The following CSMD1 variants were observed in gnomAD, a reference collection of about 807,000 sequenced individuals.
CSMD1 encodes CUB and sushi domain-containing protein 1.
CSMD1 carries 213 observed loss-of-function variants against 417.5 expected under a neutral mutation model. The ratio of observed to expected loss-of-function variants is 0.51; its 90% CI spans 0.46 to 0.57. CSMD1 has a LOEUF of 0.57. Among genes scored for constraint, CSMD1 ranks in the 20% least tolerant of loss-of-function variants. CSMD1 has a pLI of 0.00. For missense variants in CSMD1, 6,923 were observed against 4,529.7 expected (o/e 1.53, Z -15.17); for synonymous variants, 2,862 against 1,736.8 (o/e 1.65, Z -16.11).
At chr8:3,025,196 G>C (rs1482984316) in intron 51 of CSMD1, among the ~76,000 whole-genome samples, 1 of 149,604 alleles carries the variant, frequency 6.7e-6, no homozygotes, top group Non-Finnish European at 1.5e-5. Context: ...GTATTGTGTG[G>C]TGTTATTCTG....
intron 2 of CSMD1, among the ~76,000 whole-genome samples, chr8:4,454,497 T>C (rs1173436597): frequency 6.6e-6 from 1 of 152,166 alleles, no homozygotes; most frequent in Non-Finnish European, 1.5e-5. Flanking sequence ...TAGTCACATA[T>C]ACAATCCTTG....
intron 25 of CSMD1, among the ~76,000 whole-genome samples, chr8:3,296,660 C>T (rs141703327): frequency 3.0e-4 from 46 of 152,220 alleles, no homozygotes; most frequent in African/African-American, 1.0e-3. Context: ...GGTACCCAGG[C>T]ACTGGTCAGG....
At chr8:4,040,901 A>C (rs1166915007) in intron 3 of CSMD1, among the ~76,000 whole-genome samples, 1 of 152,144 alleles carries the variant, frequency 6.6e-6, no homozygotes, top group East Asian at 1.9e-4. Context: ...GCTCTTGAGA[A>C]GCATCATGAA....
intron 23 of CSMD1, among the ~76,000 whole-genome samples, chr8:3,338,815 T>C (rs908289292): frequency 2.6e-5 from 4 of 151,792 alleles, no homozygotes; most frequent in Admixed American, 6.5e-5. Flanking sequence ...GCCTTTCTTT[T>C]TTTTTTTTTT....
At chr8:4,319,738 G>C (rs1480604737) in intron 3 of CSMD1, among the ~76,000 whole-genome samples, 3 of 152,066 alleles carry the variant, frequency 2.0e-5, no homozygotes, top group African/African-American at 4.8e-5. Flanking sequence ...ACTGAGACTT[G>C]CCGGGGGGCC....
At chr8:4,063,161 G>T (rs780716299) in intron 3 of CSMD1, among the ~76,000 whole-genome samples, 3 of 152,132 alleles carry the variant, frequency 2.0e-5, no homozygotes, top group Non-Finnish European at 2.9e-5. Flanking sequence ...ATTTGGAAAT[G>T]ATAAATGTTG....
At chr8:3,842,637 A>G (rs1385950229) in intron 5 of CSMD1, among the ~76,000 whole-genome samples, 4 of 152,114 alleles carry the variant, frequency 2.6e-5, no homozygotes, top group African/African-American at 4.8e-5. Flanking sequence ...TAGAGTTTCT[A>G]TTTTTTAGAA....
chr8:4,044,426 A>T (rs1262341210), intron 3 of CSMD1, among the ~76,000 whole-genome samples: 1 of 152,104 alleles, frequency 6.6e-6, no homozygotes, highest in African/African-American at 2.4e-5. Flanking sequence ...CCAAGCTCTA[A>T]AATTCTTTAC....
intron 2 of CSMD1, among the ~76,000 whole-genome samples, chr8:4,569,004 G>A (rs1347028325): frequency 3.3e-5 from 5 of 151,988 alleles, no homozygotes; most frequent in Admixed American, 6.6e-5. Context: ...TATAAATTCT[G>A]GATATTAGAT....
At chr8:4,418,580 G>A (rs1031774132) in intron 3 of CSMD1, among the ~76,000 whole-genome samples, 1 of 152,148 alleles carries the variant, frequency 6.6e-6, no homozygotes, top group Non-Finnish European at 1.5e-5. Flanking sequence ...AACAAATATT[G>A]TATGTTAACA....
chr8:3,221,967 C>T (rs971541815), intron 28 of CSMD1, among the ~76,000 whole-genome samples: 2 of 152,082 alleles, frequency 1.3e-5, no homozygotes, highest in Admixed American at 6.6e-5. Context: ...CCCTCATCAG[C>T]GCCAGCCTCC....
chr8:3,191,842 T>C (rs1292919804), intron 33 of CSMD1, among the ~76,000 whole-genome samples: 1 of 152,210 alleles, frequency 6.6e-6, no homozygotes, highest in Non-Finnish European at 1.5e-5. Context: ...AAAAAGACAG[T>C]ATTTAGGTAC....
chr8:3,313,007 T>C lies in CSMD1; in HGVS notation c.3632-4504A>G, dbSNP rs561615150. 4.6e-5 allele frequency among the ~76,000 whole-genome samples: 7 copies of C among 152,340 alleles called. No individual in the cohort carries two copies. In the South Asian group the frequency reaches 1.4e-3, roughly 32 times the overall value. On this transcript the variant is annotated intron_variant, in intron 23 of 69. Coordinates refer to ENST00000635120, the MANE Select transcript of CSMD1 (RefSeq NM_033225.6). Reference sequence around the variant, plus strand: ...AAAATGTCAACACTGTTTTTGAATATTGGTAAAATAAGTTGATGTGTAATA... The same window carrying C: ...AAAATGTCAACACTGTTTTTGAATACTGGTAAAATAAGTTGATGTGTAATA...
chr8:3,098,575 A>G (rs1324301233), intron 46 of CSMD1, among the ~76,000 whole-genome samples: 1 of 152,254 alleles, frequency 6.6e-6, no homozygotes, highest in East Asian at 1.9e-4. Flanking sequence ...ATAAACTAAA[A>G]TAATCCTAAT....
intron 23 of CSMD1, among the ~76,000 whole-genome samples, chr8:3,316,903 G>T (rs1805808036): frequency 1.3e-5 from 2 of 152,172 alleles, no homozygotes; most frequent in African/African-American, 4.8e-5. Context: ...TGAGAAGAAA[G>T]AAAGGACAAG....
chr8:2,956,452 ATTTATTTATTT>A lies in CSMD1; in HGVS notation c.9815-695_9815-685del, dbSNP rs1036790428. 6.9e-4 allele frequency among the ~76,000 whole-genome samples: 104 copies of A among 150,214 alleles called. 2 individuals are homozygous for A. The highest frequency in any genetic ancestry group is 3.5e-3 in the Middle Eastern group (1 of 288). Reference sequence around the variant, plus strand: ...TTTACAATTTTATTTATTTATTTTTATTTATTTATTTTTTATTTATTTTTTGAGTCTCGCTG... The same window carrying A: ...TTTACAATTTTATTTATTTATTTTTATTTATTTATTTTTTGAGTCTCGCTG... On this transcript the variant is annotated intron_variant, in intron 63 of 69. Coordinates refer to ENST00000635120, the MANE Select transcript of CSMD1 (RefSeq NM_033225.6).
chr8:3,289,460 T>C (rs1425305449), intron 25 of CSMD1, among the ~76,000 whole-genome samples: 2 of 147,538 alleles, frequency 1.4e-5, no homozygotes, highest in Non-Finnish European at 2.9e-5. Context: ...AAAGTGTTCC[T>C]ATTTCTCCAT....
chr8:3,548,823 G>C (rs989018753), intron 10 of CSMD1, among the ~76,000 whole-genome samples: 6 of 151,958 alleles, frequency 3.9e-5, no homozygotes, highest in Non-Finnish European at 5.9e-5. Context: ...TCAGAGCAAA[G>C]CCACCCTTGC....
At chr8:3,569,357 C>A (rs925869935) in intron 10 of CSMD1, among the ~76,000 whole-genome samples, 3 of 152,036 alleles carry the variant, frequency 2.0e-5, no homozygotes, top group African/African-American at 7.2e-5. Flanking sequence ...TAAATACTTG[C>A]AATAAACTGA....
Sources: gnomAD v4.1 joint callset for allele counts (sites outside exome capture counted in the v4.1 genomes callset) on GRCh38, gnomAD v4.1.1 for gene constraint, MANE v1.5 for transcripts, NCBI Gene and HGNC (gene_info 2026-07-23, HGNC 2026-07-21) for gene names.